Variants in KDM4C observed in about 807,000 individuals in gnomAD.
KDM4C encodes lysine demethylase 4C.
A neutral mutation model predicts 129.3 loss-of-function variants in KDM4C; 81 were observed. The observed-to-expected ratio is 0.63, with a 90% CI of 0.52 to 0.75. KDM4C has a LOEUF of 0.75. Ranked by LOEUF, KDM4C falls within the 30% of genes least tolerant of loss-of-function variation. The pLI is 0.00. For missense variants in KDM4C, 1,457 were observed against 1,304.0 expected, an observed-to-expected ratio of 1.12 and a Z score of -1.81; for synonymous variants, 573 against 456.1, an observed-to-expected ratio of 1.26 and a Z score of -3.26.
At chr9:7,159,631 CT>C (rs1030043408) in intron 19 of KDM4C, among the ~76,000 whole-genome samples, 1 of 152,174 alleles carries the variant, frequency 6.6e-6, no homozygotes, top group Non-Finnish European at 1.5e-5. Flanking sequence ...CTTGAAAATT[CT>C]TTTCTTTAGG....
At chr9:7,046,740 G>T (rs1220637356) in intron 15 of KDM4C, 122 bp from the exon 16 acceptor site, 24 of 763,568 alleles carry the variant, frequency 3.1e-5, no homozygotes, top group Non-Finnish European at 4.6e-5. Flanking sequence ...AGACCTTCAT[G>T]TAATTCCTGA....
rs182127357 is a variant in KDM4C at position 7,148,536 on chromosome 9, G to A, written c.2782-16702G>A. Among the ~76,000 whole-genome samples, 520 of 152,328 alleles carry A rather than the reference G, an allele frequency of 3.4e-3. 6 individuals carry two copies. Among genetic ancestry groups the A allele is most frequent in the African/African-American group, 0.012 (492 of 41,580 alleles). On this transcript the variant is annotated intron_variant, in intron 19 of 21. Coordinates refer to ENST00000381309, the MANE Select transcript of KDM4C (RefSeq NM_015061.6). ...AAGGTCTGGGCACCCAGAAGGGTTGGCACTCTTCACTGCCACTGTCTGGGA... is the reference window on the plus strand; with the variant it reads ...AAGGTCTGGGCACCCAGAAGGGTTGACACTCTTCACTGCCACTGTCTGGGA...
intron 8 of KDM4C, among the ~76,000 whole-genome samples, chr9:6,972,702 A>G (rs1832204035): frequency 6.6e-6 from 1 of 152,216 alleles, no homozygotes. Context: ...AGCTAATGGT[A>G]ACAGTCATGG....
chr9:6,952,382 A>G (rs1459983869), intron 8 of KDM4C, among the ~76,000 whole-genome samples: 1 of 149,492 alleles, frequency 6.7e-6, no homozygotes, highest in Non-Finnish European at 1.5e-5. Flanking sequence ...ACTTACTGAT[A>G]TGGGAAATTG....
intron 8 of KDM4C, among the ~76,000 whole-genome samples, chr9:6,918,551 G>C (rs1031186864): frequency 6.6e-6 from 1 of 152,150 alleles, no homozygotes; most frequent in African/African-American, 2.4e-5. Flanking sequence ...TAGGATTGCT[G>C]GGTCAGTTGG....
intron 4 of KDM4C, among the ~76,000 whole-genome samples, chr9:6,832,721 G>A (rs1352278981): frequency 5.3e-5 from 7 of 131,542 alleles, no homozygotes; most frequent in Non-Finnish European, 9.4e-5. Context: ...CACTGTGCCC[G>A]GCCTTTTTTT....
intron 4 of KDM4C, among the ~76,000 whole-genome samples, chr9:6,836,377 A>G (rs953866142): frequency 2.6e-5 from 4 of 152,186 alleles, no homozygotes; most frequent in Admixed American, 2.6e-4. Context: ...GTCTCAAAAA[A>G]ATAAATAAAT....
At chr9:6,806,244 C>A (rs1373956044) in intron 3 of KDM4C, among the ~76,000 whole-genome samples, 1 of 152,170 alleles carries the variant, frequency 6.6e-6, no homozygotes, top group Admixed American at 6.6e-5. Context: ...CCTGTAATCC[C>A]AGTACTTTGG....
chr9:7,074,085 G>C, intron 17 of KDM4C, among the ~76,000 whole-genome samples: 1 of 152,136 alleles, frequency 6.6e-6, no homozygotes, highest in Non-Finnish European at 1.5e-5. Flanking sequence ...AGATTGTAGT[G>C]CATCTTACTT....
In KDM4C at chr9:6,869,360, C is replaced by T. The variant is rs540579259; in HGVS notation, c.630-10652C>T. On this transcript the variant is annotated intron_variant, in intron 5 of 21. Coordinates refer to ENST00000381309, the MANE Select transcript of KDM4C (RefSeq NM_015061.6). ...GCCTCATTTCAGGCACCTCATTCTCCAGGCCGTACTCTTAGATGCCTAGCT... is the reference window on the plus strand; with the variant it reads ...GCCTCATTTCAGGCACCTCATTCTCTAGGCCGTACTCTTAGATGCCTAGCT... Among the ~76,000 whole-genome samples the T allele has an allele frequency of 1.7e-4, 26 of 152,318 alleles. No homozygotes were observed. In the South Asian group the frequency reaches 5.4e-3, roughly 32 times the overall value.
At chr9:6,815,539 T>C (rs1376105653) in intron 4 of KDM4C, among the ~76,000 whole-genome samples, 1 of 152,156 alleles carries the variant, frequency 6.6e-6, no homozygotes, top group African/African-American at 2.4e-5. Context: ...GAAAAATTTC[T>C]TATCTACTGA....
At chr9:7,094,482 C>T (rs1836179734) in intron 17 of KDM4C, among the ~76,000 whole-genome samples, 1 of 152,100 alleles carries the variant, frequency 6.6e-6, no homozygotes, top group African/African-American at 2.4e-5. Flanking sequence ...AAATTTATCT[C>T]ATCTAGAAGA....
rs1022077801 is a variant in KDM4C, at chr9:6,868,424, A to G, written c.630-11588A>G. ...AGCAGTTTGAAAATCGGTTAACTGG[A>G]TCACCGATTTGAGCCACCCCTCAGT... is the stretch of plus-strand genomic sequence containing the variant. On this transcript the variant is annotated intron_variant, in intron 5 of 21. Transcript: ENST00000381309. Among the ~76,000 whole-genome samples, 8 of 152,116 alleles carry G rather than the reference A, an allele frequency of 5.3e-5. No homozygotes were observed. The East Asian group carries it at 1.5e-3, about 29-fold the overall frequency.
At chr9:6,749,005 C>A (rs773036042) in intron 1 of KDM4C, 1 of 743,832 alleles carries the variant, frequency 1.3e-6, no homozygotes, top group Non-Finnish European at 2.5e-6. Context: ...AAAGAGCACA[C>A]TTGCAAGCTT....
intron 8 of KDM4C, among the ~76,000 whole-genome samples, chr9:6,952,898 G>A (rs1828429143): frequency 6.6e-6 from 1 of 152,208 alleles, no homozygotes; most frequent in Non-Finnish European, 1.5e-5. Context: ...CATTTGTACA[G>A]TGAGCACGGT....
chr9:7,055,395 G>C (rs944336191), intron 17 of KDM4C, among the ~76,000 whole-genome samples: 2 of 152,192 alleles, frequency 1.3e-5, no homozygotes, highest in East Asian at 1.9e-4. Flanking sequence ...ATTTGTGTTT[G>C]ACAAGTGAAC....
At chr9:7,026,783 T>G (rs1257898090) in intron 15 of KDM4C, among the ~76,000 whole-genome samples, 1 of 152,034 alleles carries the variant, frequency 6.6e-6, no homozygotes, top group Non-Finnish European at 1.5e-5. Flanking sequence ...TTTTATTCTT[T>G]CTTCTTTTGT....
chr9:6,835,544 C>G, intron 4 of KDM4C: 2 of 1,357,344 alleles, frequency 1.5e-6, no homozygotes, highest in Non-Finnish European at 2.1e-6. Context: ...TATGATGAGT[C>G]CGGCTCCATC....
chr9:6,772,615 C>G (rs1169462972), intron 1 of KDM4C, among the ~76,000 whole-genome samples: 1 of 152,112 alleles, frequency 6.6e-6, no homozygotes, highest in Non-Finnish European at 1.5e-5. Flanking sequence ...TCCACCTCGG[C>G]CTCCCAAAGT....
Sources: allele counts gnomAD v4.1 joint callset (sites outside exome capture counted in the v4.1 genomes callset), GRCh38; gene constraint gnomAD v4.1.1; transcripts MANE v1.5; gene names NCBI Gene and HGNC (gene_info 2026-07-23, HGNC 2026-07-21).